ERG: variants seen among roughly 807,000 people sequenced by gnomAD.
ERG encodes ETS transcription factor ERG, also known as transcriptional regulator ERG.
A neutral mutation model predicts 55.3 loss-of-function variants in ERG; 9 were observed. The observed-to-expected ratio is 0.16, with a 90% CI of 0.10 to 0.28. The LOEUF (loss-of-function observed/expected upper bound fraction) is 0.28, where lower values mean the gene tolerates loss of function less well. ERG is among the 10% of genes least tolerant of loss of function. ERG has a pLI of 1.00. For missense variants in ERG, 434 were observed against 631.6 expected, an observed-to-expected ratio of 0.69 and a Z score of 3.35; for synonymous variants, 223 against 237.3, an observed-to-expected ratio of 0.94 and a Z score of 0.55.
chr21:38,461,490 C>T (rs1218305381), intron 1 of ERG, among the ~76,000 whole-genome samples: 3 of 152,172 alleles, frequency 2.0e-5, no homozygotes, highest in South Asian at 4.1e-4. Context: ...AGAATGTGTC[C>T]CTCTTCTTCA....
intron 2 of ERG, among the ~76,000 whole-genome samples, chr21:38,503,640 A>G (rs2059437772): frequency 1.3e-5 from 2 of 152,196 alleles, no homozygotes; most frequent in African/African-American, 4.8e-5. Flanking sequence ...AGGACAAAAC[A>G]ATAGGACAAA....
intron 1 of ERG, among the ~76,000 whole-genome samples, chr21:38,480,338 A>G (rs1426602840): frequency 6.6e-6 from 1 of 152,134 alleles, no homozygotes; most frequent in Non-Finnish European, 1.5e-5. Context: ...GCCAAGGAAC[A>G]CAGGGCTTGC....
At chr21:38,394,284 C>A (rs1161859212) in intron 6 of ERG, among the ~76,000 whole-genome samples, 1 of 152,138 alleles carries the variant, frequency 6.6e-6, no homozygotes, top group Non-Finnish European at 1.5e-5. Context: ...ATCAACAATA[C>A]CTGGTAGCTT....
Position 38,383,164 on chromosome 21 carries a change from G to C in ERG, c.*239C>G. The C allele has an allele frequency of 8.2e-7, 1 of 1,226,680 alleles. No individual in the cohort carries two copies. Among genetic ancestry groups the C allele is most frequent in the African/African-American group, 1.5e-5 (1 of 64,926 alleles). The allele number at this position is 1,226,680 out of a possible 1,614,324, so 76.0% of individuals were successfully genotyped here. ...CTTCTACATACACTGTCTTTTACAA[G>C]GTCAGTCCACAGATGATATGTCCAT... On this transcript the variant is annotated 3_prime_UTR_variant, in exon 10 of 10. Coordinates refer to ENST00000288319, the MANE Select transcript of ERG (RefSeq NM_182918.4). The surrounding 1 kb of genome is among the most constrained non-coding windows in gnomAD (Gnocchi z 5.7).
At chr21:38,523,515 G>T (rs1035184132) in intron 2 of ERG, among the ~76,000 whole-genome samples, 2 of 152,172 alleles carry the variant, frequency 1.3e-5, no homozygotes, top group African/African-American at 4.8e-5. Flanking sequence ...GCGGGGGCCA[G>T]GGTTGGACAA....
intron 1 of ERG, among the ~76,000 whole-genome samples, chr21:38,649,468 G>T (rs146898873): frequency 2.0e-5 from 3 of 152,282 alleles, no homozygotes; most frequent in African/African-American, 7.2e-5. Context: ...AGCACTTGTG[G>T]CTTACATCAA....
chr21:38,493,270 G>T (rs993169612), intron 1 of ERG, among the ~76,000 whole-genome samples: 1 of 152,122 alleles, frequency 6.6e-6, no homozygotes, highest in Admixed American at 6.6e-5. Flanking sequence ...GTTATAAAAT[G>T]GTAATACATA....
intron 2 of ERG, among the ~76,000 whole-genome samples, chr21:38,536,616 C>T (rs2836488): frequency 0.41 from 61,814 of 151,932 alleles, 12,964 homozygotes; most frequent in African/African-American, 0.5. Context: ...ACACAGAGCC[C>T]GAGACCTAGT....
chr21:38,514,711 C>T (rs997419361), intron 2 of ERG, among the ~76,000 whole-genome samples: 1 of 151,940 alleles, frequency 6.6e-6, no homozygotes, highest in Non-Finnish European at 1.5e-5. Flanking sequence ...CCACATATTA[C>T]CGCATTTGTC....
intron 2 of ERG, among the ~76,000 whole-genome samples, chr21:38,504,692 C>G (rs1254869565): frequency 1.3e-5 from 2 of 152,182 alleles, no homozygotes; most frequent in East Asian, 3.9e-4. Flanking sequence ...AAGCATCTGA[C>G]TGGCATCCCA....
At chr21:38,445,035 T>G (rs2146554934) in intron 2 of ERG, among the ~76,000 whole-genome samples, 1 of 152,252 alleles carries the variant, frequency 6.6e-6, no homozygotes, top group African/African-American at 2.4e-5. Flanking sequence ...AATATACTAC[T>G]AATTTTACAA....
upstream of ERG, among the ~76,000 whole-genome samples, chr21:38,498,657 A>C (rs1404371995): frequency 1.3e-5 from 2 of 152,140 alleles, no homozygotes; most frequent in Non-Finnish European, 2.9e-5. The surrounding 1 kb of genome is among the most constrained non-coding windows in gnomAD (Gnocchi z 4.6). Context: ...TAATTAAAAA[A>C]AGAAAAGGCA....
rs34894423 is a variant in ERG at position 38,407,646 on chromosome 21, T to TATATATATATA, written c.389-3938_389-3937insTATATATATAT. On this transcript the variant is annotated intron_variant, in intron 3 of 9. Transcript: ENST00000288319. ...GGTCTTACAAAAGGTATATATATATTTAATGTATATTATATGTATACTATA... is the reference window on the plus strand; with the variant it reads ...GGTCTTACAAAAGGTATATATATATTATATATATATATAATGTATATTATATGTATACTATA... 2.1e-3 allele frequency among the ~76,000 whole-genome samples: 293 copies of TATATATATATA among 142,634 alleles called. 6 individuals are homozygous for TATATATATATA. The highest frequency in any genetic ancestry group is 7.0e-3 in the African/African-American group (263 of 37,450). 93.6% of individuals were successfully genotyped at this position (142,634 alleles called of 152,430 possible). A position where few individuals can be genotyped will look rare whatever the true frequency, so the allele number is the denominator to read the frequency against.
chr21:38,647,292 G>A (rs554303180), intron 1 of ERG, among the ~76,000 whole-genome samples: 1 of 152,252 alleles, frequency 6.6e-6, no homozygotes, highest in Admixed American at 6.5e-5. Flanking sequence ...CTAAGGTCAC[G>A]TACGGGCATC....
chr21:38,446,917 C>G (rs1418692823), intron 1 of ERG, among the ~76,000 whole-genome samples: 1 of 152,092 alleles, frequency 6.6e-6, no homozygotes, highest in Non-Finnish European at 1.5e-5. Flanking sequence ...CTATGATGCC[C>G]TTTGTGACAT....
chr21:38,448,705 G>A (rs1434823337), intron 1 of ERG, among the ~76,000 whole-genome samples: 1 of 152,202 alleles, frequency 6.6e-6, no homozygotes, highest in Non-Finnish European at 1.5e-5. Flanking sequence ...GCACAGCCCT[G>A]CCACATCTTT....
intron 1 of ERG, among the ~76,000 whole-genome samples, chr21:38,497,581 C>T (rs1490965710): frequency 3.9e-5 from 6 of 152,126 alleles, no homozygotes; most frequent in Non-Finnish European, 5.9e-5. Context: ...TAGGATTGTA[C>T]CTGTGCAGAT....
chr21:38,594,328 G>A (rs557175606), intron 1 of ERG, among the ~76,000 whole-genome samples: 1 of 152,248 alleles, frequency 6.6e-6, no homozygotes, highest in African/African-American at 2.4e-5. Context: ...CCACAAACAT[G>A]CTTCCCCGAC....
rs1330860777 is a variant in ERG, at chr21:38,517,337, C to G, written c.-41+58325G>C. On this transcript the variant is annotated intron_variant, in intron 2 of 8. Transcript: ENST00000398897. The stretch of plus-strand genomic sequence containing the variant: ...TTCTCAAAAGAAGACACAGGAATGG[C>G]CATCAAGCATATGAAAAAAAATACT... 1.3e-5 allele frequency among the ~76,000 whole-genome samples: 2 copies of G among 151,936 alleles called. 1 individual carries two copies. The highest frequency in any genetic ancestry group is 4.1e-4 in the South Asian group (2 of 4,822).
Sources: allele counts gnomAD v4.1 joint callset (sites outside exome capture counted in the v4.1 genomes callset), GRCh38; gene constraint gnomAD v4.1.1; non-coding constraint Gnocchi (gnomAD v3.1); transcripts MANE v1.5; gene names NCBI Gene and HGNC (gene_info 2026-07-23, HGNC 2026-07-21).